Variants in APPL2 observed in about 807,000 individuals in gnomAD.
APPL2 encodes the protein adaptor protein, phosphotyrosine interacting with PH domain and leucine zipper 2.
In APPL2, 84 loss-of-function variants were observed where a neutral mutation model predicts 92.7. The ratio of observed to expected loss-of-function variants is 0.91; its 90% CI spans 0.76 to 1.09. The LOEUF (loss-of-function observed/expected upper bound fraction) is 1.09, where lower values mean the gene tolerates loss of function less well. Among genes scored for constraint, APPL2 ranks in the 50% least tolerant of loss-of-function variants. APPL2 has a pLI of 0.00. For synonymous variants in APPL2, 291 were observed against 291.0 expected, an observed-to-expected ratio of 1.00 and a Z score of 0.00; for missense variants, 736 against 824.5, an observed-to-expected ratio of 0.89 and a Z score of 1.31.
chr12:105,228,055 C>A (rs1482962350), intron 2 of APPL2, among the ~76,000 whole-genome samples: 1 of 152,250 alleles, frequency 6.6e-6, no homozygotes, highest in South Asian at 2.1e-4. Flanking sequence ...AGCTCCCCAA[C>A]GGCAAGGACT....
At chr12:105,211,339 T>C (rs1159659723) in intron 4 of APPL2, 22 bp from the exon 5 acceptor site, 1 of 1,513,070 alleles carries the variant, frequency 6.6e-7, no homozygotes, top group South Asian at 1.1e-5. Flanking sequence ...AGAATGGTAT[T>C]CAAGTAAATT....
At chr12:105,235,683 C>T (rs918816385) in intron 1 of APPL2, among the ~76,000 whole-genome samples, 15 of 152,172 alleles carry the variant, frequency 9.9e-5, no homozygotes, top group Non-Finnish European at 2.1e-4. Context: ...GTTTAGATCT[C>T]GCAGACTCAG....
chr12:105,180,916 A>T (rs1886050853), intron 17 of APPL2, among the ~76,000 whole-genome samples: 4 of 152,176 alleles, frequency 2.6e-5, no homozygotes, highest in Admixed American at 2.6e-4. Flanking sequence ...AAACAGAGAT[A>T]ATCTGACTTC....
intron 4 of APPL2, among the ~76,000 whole-genome samples, chr12:105,215,669 G>A (rs373608243): frequency 6.6e-6 from 1 of 152,104 alleles, no homozygotes; most frequent in African/African-American, 2.4e-5. Context: ...TCAATAACTG[G>A]TCAGTTAAAT....
intron 4 of APPL2, among the ~76,000 whole-genome samples, chr12:105,215,667 T>C (rs1200235283): frequency 6.6e-6 from 1 of 152,198 alleles, no homozygotes; most frequent in Non-Finnish European, 1.5e-5. Context: ...GATCAATAAC[T>C]GGTCAGTTAA....
chr12:105,203,603 C>T (rs568584898), intron 9 of APPL2, 100 bp downstream of exon 9: 21 of 1,075,398 alleles, frequency 2.0e-5, no homozygotes, highest in African/African-American at 6.2e-5. Flanking sequence ...AGGCTCTGTG[C>T]GACCCTCCAC....
At chr12:105,212,709 G>T (rs1365657195) in intron 4 of APPL2, among the ~76,000 whole-genome samples, 2 of 152,244 alleles carry the variant, frequency 1.3e-5, no homozygotes, top group African/African-American at 4.8e-5. Context: ...ATCACTTTTG[G>T]ATTCAACATG....
At chr12:105,189,739 G>C in intron 16 of APPL2, 33 bp downstream of exon 16, 3 of 1,606,274 alleles carry the variant, frequency 1.9e-6, no homozygotes, top group Non-Finnish European at 2.6e-6. Flanking sequence ...TTTGTGCAGA[G>C]GAAAGAATAA....
chr12:105,183,104 G>A (rs879822661), intron 17 of APPL2, among the ~76,000 whole-genome samples: 10 of 52,450 alleles, frequency 1.9e-4, no homozygotes, highest in African/African-American at 7.0e-4. Flanking sequence ...CTTTCCATTT[G>A]CTTGGTAAAT....
intron 14 of APPL2, among the ~76,000 whole-genome samples, chr12:105,193,115 AT>A (rs11364393): frequency 0.13 from 19,979 of 151,842 alleles, 1,509 homozygotes; most frequent in African/African-American, 0.22. Context: ...GGCTAGAGTC[AT>A]TTTTTTTCCC....
rs533643136 is a variant in APPL2 at position 105,235,060 on chromosome 12, T to C, written c.54+899A>G. Reference sequence around the variant, plus strand: ...GAACCCCAAAAGAGAGGGGAAAGTGTGAAACGAAAATAGGTTAATCTTATT... The same window carrying C: ...GAACCCCAAAAGAGAGGGGAAAGTGCGAAACGAAAATAGGTTAATCTTATT... On this transcript the variant is annotated intron_variant, in intron 1 of 20. Transcript: ENST00000258530. Among the ~76,000 whole-genome samples, 3 of 152,300 alleles carry C rather than the reference T, an allele frequency of 2.0e-5. No individual in the cohort carries two copies. In the South Asian group the frequency reaches 6.2e-4, roughly 32 times the overall value.
chr12:105,189,119 A>G (rs1045927761), intron 16 of APPL2, among the ~76,000 whole-genome samples: 8 of 152,114 alleles, frequency 5.3e-5, no homozygotes, highest in Non-Finnish European at 8.8e-5. Context: ...CCCAGGTTCA[A>G]GTGATTCTCA....
At chr12:105,208,828 C>A (rs889797985) in intron 5 of APPL2, among the ~76,000 whole-genome samples, 2 of 152,086 alleles carry the variant, frequency 1.3e-5, no homozygotes, top group Admixed American at 6.5e-5. Context: ...GAGCAGTGAC[C>A]GTCCAAGGTT....
chr12:105,202,427 A>G (rs1888292598), intron 9 of APPL2, among the ~76,000 whole-genome samples: 1 of 152,228 alleles, frequency 6.6e-6, no homozygotes, highest in Non-Finnish European at 1.5e-5. Context: ...CATGGGCACA[A>G]ATGTCCTGCT....
Position 105,197,896 on chromosome 12 carries a change from C to T in APPL2, c.921G>A (p.Gly307=). The T allele has an allele frequency of 6.2e-7, 1 of 1,614,182 alleles. No homozygotes were observed. The highest frequency in any genetic ancestry group is 8.5e-7 in the Non-Finnish European group (1 of 1,180,046). The change falls in exon 11 of 21, where the codon GGG becomes GGA. Residue 307 remains glycine (G), a synonymous_variant. Transcript: ENST00000258530. ...CTCCCCTGGGCTGACACATGAGATTCCCGCCTTGGGTGAAGAAATAAAGCC... is the reference window on the plus strand; with the variant it reads ...CTCCCCTGGGCTGACACATGAGATTTCCGCCTTGGGTGAAGAAATAAAGCC... ...WERLYFFTQG[G]NLMCQPRGAV...
chr12:105,213,467 A>T (rs997264616), intron 4 of APPL2, among the ~76,000 whole-genome samples: 1 of 152,232 alleles, frequency 6.6e-6, no homozygotes, highest in Admixed American at 6.5e-5. Context: ...ACACACTCAG[A>T]GCAGAGTGCC....
rs2005110 is a variant in APPL2, at chr12:105,211,850, G to A, written c.286-533C>T. On this transcript the variant is annotated intron_variant, in intron 4 of 20. Coordinates refer to ENST00000258530, the MANE Select transcript of APPL2 (RefSeq NM_018171.5). ...GAATACTCCCTAACGGCTAGGCGTG[G>A]TAGCTCACGCCTGTAATCCCAGCAC... Among the ~76,000 whole-genome samples the A allele has an allele frequency of 6.7e-3, 1,018 of 152,344 alleles. 21 individuals carry two copies. Among genetic ancestry groups the A allele is most frequent in the Admixed American group, 0.047 (714 of 15,302 alleles).
intron 11 of APPL2, 116 bp from the exon 12 acceptor site, chr12:105,195,743 T>C: frequency 1.7e-6 from 2 of 1,150,242 alleles, no homozygotes; most frequent in Non-Finnish European, 2.6e-6. Flanking sequence ...GAAGGCAGCA[T>C]GATGAGAGGG....
At chr12:105,195,718 G>C (rs1208779081) in intron 11 of APPL2, 91 bp from the exon 12 acceptor site, 8 of 1,417,014 alleles carry the variant, frequency 5.6e-6, no homozygotes, top group African/African-American at 2.8e-5. Context: ...TGGGGTGTGG[G>C]AGGAAAAGTG....
Sources: gnomAD v4.1 joint callset for allele counts (sites outside exome capture counted in the v4.1 genomes callset) on GRCh38, gnomAD v4.1.1 for gene constraint, MANE v1.5 for transcripts, NCBI Gene and HGNC (gene_info 2026-07-23, HGNC 2026-07-21) for gene names.